Variants in CSGALNACT1 observed in about 807,000 individuals in gnomAD.
CSGALNACT1 encodes the protein beta4GalNAcT-1.
CSGALNACT1 carries 52 observed loss-of-function variants against 51.0 expected under a neutral mutation model. The observed-to-expected ratio is 1.02, with a 90% confidence interval of 0.82 to 1.29. The LOEUF (loss-of-function observed/expected upper bound fraction) is 1.29. Ranked by LOEUF, CSGALNACT1 falls within the 50% of genes most tolerant of loss-of-function variation. CSGALNACT1 has a pLI of 0.00. For synonymous variants in CSGALNACT1, 341 were observed against 254.4 expected (o/e 1.34, Z -3.24); for missense variants, 935 against 679.2 (o/e 1.38, Z -4.19).
intron 3 of CSGALNACT1, among the ~76,000 whole-genome samples, chr8:19,569,183 C>T (rs1471701349): frequency 1.3e-5 from 2 of 152,134 alleles, no homozygotes; most frequent in Admixed American, 1.3e-4. Context: ...GAAAAGTACA[C>T]AGTTAATGAC....
chr8:19,753,446 C>T (rs373158987), intron 1 of CSGALNACT1, among the ~76,000 whole-genome samples: 1 of 152,140 alleles, frequency 6.6e-6, no homozygotes, highest in Non-Finnish European at 1.5e-5. Flanking sequence ...AGACATTCTG[C>T]TAGATAAGAC....
chr8:19,718,152 G>A (rs1285122851), intron 1 of CSGALNACT1, among the ~76,000 whole-genome samples: 2 of 152,178 alleles, frequency 1.3e-5, no homozygotes, highest in African/African-American at 4.8e-5. Flanking sequence ...GAAGGCAGTG[G>A]CACAATCTCA....
chr8:19,627,334 G>A (rs568616727), intron 1 of CSGALNACT1, among the ~76,000 whole-genome samples: 8 of 152,248 alleles, frequency 5.3e-5, no homozygotes, highest in African/African-American at 7.2e-5. Context: ...AAAAACTGAC[G>A]GAGCATGGAT....
chr8:19,651,252 T>C (rs181526220), intron 1 of CSGALNACT1, among the ~76,000 whole-genome samples: 1 of 152,178 alleles, frequency 6.6e-6, no homozygotes, highest in East Asian at 1.9e-4. Flanking sequence ...TTTTTTTTCA[T>C]TTTCTATTTA....
chr8:19,409,141 T>C (rs1044963851), intron 8 of CSGALNACT1, among the ~76,000 whole-genome samples: 13 of 152,142 alleles, frequency 8.5e-5, no homozygotes, highest in African/African-American at 3.1e-4. Context: ...AGAAAAGGGA[T>C]AGAGAACAAC....
Position 19,522,277 on chromosome 8 carries a change from G to C in CSGALNACT1, c.-296-16147C>G, listed in dbSNP as rs538318104. On this transcript the variant is annotated intron_variant, in intron 3 of 9. Coordinates refer to ENST00000454498, the Ensembl canonical transcript of CSGALNACT1. ...AATAAATGGTTGGTGTGTATACACA[G>C]GTACAGAGCTGGTAGAAAGCACAGT... Among the ~76,000 whole-genome samples, 10 of 152,128 alleles carry C rather than the reference G, an allele frequency of 6.6e-5. No individual in the cohort carries two copies. In the South Asian group the frequency reaches 1.7e-3, roughly 25 times the overall value.
At chr8:19,528,312 G>C (rs900651478) in intron 3 of CSGALNACT1, among the ~76,000 whole-genome samples, 4 of 151,428 alleles carry the variant, frequency 2.6e-5, no homozygotes, top group Non-Finnish European at 5.9e-5. Flanking sequence ...TTGATATTCA[G>C]AAGCTTGCCT....
At chr8:19,515,128 T>C (rs1381964294) in intron 3 of CSGALNACT1, among the ~76,000 whole-genome samples, 1 of 152,094 alleles carries the variant, frequency 6.6e-6, no homozygotes, top group Non-Finnish European at 1.5e-5. Context: ...GTGCCTTTCC[T>C]GCCTCTGGAC....
intron 1 of CSGALNACT1, among the ~76,000 whole-genome samples, chr8:19,712,567 A>C (rs17090954): frequency 0.029 from 4,412 of 152,156 alleles, 210 homozygotes; most frequent in African/African-American, 0.1. Flanking sequence ...CTTCTACCAA[A>C]CTCAGCATAT....
intron 4 of CSGALNACT1, among the ~76,000 whole-genome samples, chr8:19,462,403 A>G (rs2065755782): frequency 6.6e-6 from 1 of 152,198 alleles, no homozygotes; most frequent in East Asian, 1.9e-4. Flanking sequence ...ATTAACTTTT[A>G]AAAATCAAAA....
At chr8:19,650,945 C>A (rs978482262) in intron 1 of CSGALNACT1, among the ~76,000 whole-genome samples, 1 of 152,210 alleles carries the variant, frequency 6.6e-6, no homozygotes, top group East Asian at 1.9e-4. Context: ...AGAGGCATCA[C>A]CAGATAATTC....
At chr8:19,459,759 A>G (rs4625053) in intron 4 of CSGALNACT1, among the ~76,000 whole-genome samples, 71,130 of 151,922 alleles carry the variant, frequency 0.47, 17,296 homozygotes, top group East Asian at 0.85. Context: ...TTGTATGTGA[A>G]AGAAGTTAGA....
intron 3 of CSGALNACT1, among the ~76,000 whole-genome samples, chr8:19,550,654 A>G (rs568299749): frequency 1.3e-5 from 2 of 152,156 alleles, no homozygotes; most frequent in East Asian, 3.9e-4. Context: ...CTGAAATCTA[A>G]AACTGTGCAT....
intron 1 of CSGALNACT1, among the ~76,000 whole-genome samples, chr8:19,692,779 C>T (rs1286782274): frequency 6.6e-6 from 1 of 152,124 alleles, no homozygotes; most frequent in African/African-American, 2.4e-5. Flanking sequence ...TGAGGCTTCA[C>T]GTGGCAATAG....
intron 9 of CSGALNACT1, among the ~76,000 whole-genome samples, chr8:19,408,060 C>T (rs2153663737): frequency 6.6e-6 from 1 of 152,262 alleles, no homozygotes; most frequent in African/African-American, 2.4e-5. Context: ...CCCAGTTCCC[C>T]TATTTCCCTC....
intron 5 of CSGALNACT1, among the ~76,000 whole-genome samples, chr8:19,453,493 G>A (rs915276329): frequency 7.9e-5 from 12 of 152,136 alleles, no homozygotes; most frequent in African/African-American, 2.9e-4. Flanking sequence ...ATATAATTGT[G>A]TCCATGAAAC....
intron 1 of CSGALNACT1, among the ~76,000 whole-genome samples, chr8:19,628,273 G>T (rs180723058): frequency 6.6e-6 from 1 of 152,144 alleles, no homozygotes; most frequent in South Asian, 2.1e-4. Context: ...TAATCATGGC[G>T]CAAGGCCAAG....
intron 1 of CSGALNACT1, among the ~76,000 whole-genome samples, chr8:19,610,860 T>G (rs1364418164): frequency 6.6e-6 from 1 of 152,160 alleles, no homozygotes; most frequent in African/African-American, 2.4e-5. Context: ...CCGAGCAGGT[T>G]AACACAAGCC....
chr8:19,744,092 T>C (rs1337984665), intron 1 of CSGALNACT1, among the ~76,000 whole-genome samples: 2 of 152,198 alleles, frequency 1.3e-5, no homozygotes, highest in Admixed American at 6.5e-5. Context: ...AAAAAACTCT[T>C]TAATATTTAA....
Sources: allele counts gnomAD v4.1 joint callset (sites outside exome capture counted in the v4.1 genomes callset), GRCh38; gene constraint gnomAD v4.1.1; transcripts MANE v1.5; gene names NCBI Gene and HGNC (gene_info 2026-07-23, HGNC 2026-07-21).